The following PPP1R14C variants were observed in gnomAD, a reference collection of about 807,000 sequenced individuals.
PPP1R14C encodes the protein protein phosphatase 1 regulatory subunit 14C.
In PPP1R14C, 16 loss-of-function variants were observed where a neutral mutation model predicts 20.4. That is an observed-to-expected ratio of 0.78 (90% CI 0.53 to 1.19). PPP1R14C has a LOEUF of 1.19. Among genes scored for constraint, PPP1R14C ranks in the 50% most tolerant of loss-of-function variants. The pLI is 0.00. For missense variants in PPP1R14C, 211 were observed against 220.1 expected, an observed-to-expected ratio of 0.96 and a Z score of 0.26; for synonymous variants, 91 against 91.0, an observed-to-expected ratio of 1.00 and a Z score of 0.00.
At chr6:150,213,269 G>A (rs865809915) in intron 1 of PPP1R14C, among the ~76,000 whole-genome samples, 1 of 152,026 alleles carries the variant, frequency 6.6e-6, no homozygotes, top group Non-Finnish European at 1.5e-5. Context: ...GCCTGTTCTT[G>A]GAGCTAATGT....
chr6:150,243,385 C>G (rs1261223841), intron 3 of PPP1R14C, among the ~76,000 whole-genome samples: 1 of 152,052 alleles, frequency 6.6e-6, no homozygotes, highest in Non-Finnish European at 1.5e-5. Flanking sequence ...ACCATGTTGT[C>G]CAGGCGGGTC....
At position 150,248,898 on chromosome 6, in the gene PPP1R14C, G is replaced by C. The variant is rs1289513665; in HGVS notation, c.*78G>C. ...GTACTTCATGAAGACTTTTGTGAAA[G>C]AATAGGTGTCCTTATGAACAACGTT... On this transcript the variant is annotated 3_prime_UTR_variant, in exon 4 of 4. Coordinates refer to ENST00000361131, the MANE Select transcript of PPP1R14C (RefSeq NM_030949.3). 1 of 854,984 alleles carries C rather than the reference G, an allele frequency of 1.2e-6. No individual in the cohort carries two copies. The highest frequency in any genetic ancestry group is 1.7e-5 in the African/African-American group (1 of 58,236). 53.0% of individuals were successfully genotyped at this position (854,984 alleles called of 1,614,324 possible). A position where few individuals can be genotyped will look rare whatever the true frequency, so the allele number is the denominator to read the frequency against.
chr6:150,243,820 G>A (rs2114934287), intron 3 of PPP1R14C, among the ~76,000 whole-genome samples: 1 of 152,288 alleles, frequency 6.6e-6, no homozygotes, highest in Non-Finnish European at 1.5e-5. Flanking sequence ...TCTTTATGAT[G>A]GATGCTACTC....
chr6:150,149,394 C>T lies in PPP1R14C; in HGVS notation c.306+5896C>T, dbSNP rs9885596. ...TAGCTAGAGTGCAGTGGGGCTATCA[C>T]GGCTCATTGCATCGTTGACCACCCA... On this transcript the variant is annotated intron_variant, in intron 1 of 3. Transcript: ENST00000361131. Among the ~76,000 whole-genome samples, 616 of 150,314 alleles carry T rather than the reference C, an allele frequency of 4.1e-3. 5 individuals are homozygous for T. Among genetic ancestry groups the T allele is most frequent in the African/African-American group, 0.014 (552 of 40,786 alleles).
chr6:150,169,738 C>G (rs1165126516), intron 1 of PPP1R14C, among the ~76,000 whole-genome samples: 1 of 152,214 alleles, frequency 6.6e-6, no homozygotes, highest in East Asian at 1.9e-4. Context: ...CAATACCATG[C>G]AACAAACTCC....
rs1778139185 is a variant in PPP1R14C at position 150,219,375 on chromosome 6, C to T, written c.423+2519C>T. 2.6e-5 allele frequency among the ~76,000 whole-genome samples: 4 copies of T among 151,978 alleles called. No homozygotes were observed. The South Asian group carries it at 8.4e-4, about 32-fold the overall frequency. ...TCCTGAGTAGCTGGGATTACTAAGC[C>T]CAGCTAATTTTTGTATTTTTAGTAG... On this transcript the variant is annotated intron_variant, in intron 3 of 3. Transcript: ENST00000361131.
intron 1 of PPP1R14C, among the ~76,000 whole-genome samples, chr6:150,168,132 T>A: frequency 1.7e-5 from 2 of 116,100 alleles, no homozygotes; most frequent in East Asian, 2.9e-4. Context: ...TCCTTCTCCC[T>A]AACACAATAC....
chr6:150,203,811 A>G (rs1274915950), intron 1 of PPP1R14C, among the ~76,000 whole-genome samples: 1 of 152,188 alleles, frequency 6.6e-6, no homozygotes, highest in Non-Finnish European at 1.5e-5. Flanking sequence ...GCAAATCTGG[A>G]TGTGGACCAT....
chr6:150,171,410 A>C lies in PPP1R14C; in HGVS notation c.306+27912A>C, dbSNP rs1291208890. On this transcript the variant is annotated intron_variant, in intron 1 of 3. Transcript: ENST00000361131. ...CATAACAACAATCTAACTCTTTTATAAGGAGAATCCCAGAAGCTCACATTT... is the reference window on the plus strand; with the variant it reads ...CATAACAACAATCTAACTCTTTTATCAGGAGAATCCCAGAAGCTCACATTT... Among the ~76,000 whole-genome samples, 3 of 152,226 alleles carry C rather than the reference A, an allele frequency of 2.0e-5. No homozygotes were observed. In the East Asian group the frequency reaches 5.8e-4, roughly 29 times the overall value.
At chr6:150,193,683 G>C (rs2114889987) in intron 1 of PPP1R14C, among the ~76,000 whole-genome samples, 1 of 152,290 alleles carries the variant, frequency 6.6e-6, no homozygotes, top group Admixed American at 6.5e-5. Context: ...ATCTGCCTCT[G>C]CTGGGTCACT....
chr6:150,212,577 C>T (rs1398216311), intron 1 of PPP1R14C, among the ~76,000 whole-genome samples: 1 of 152,164 alleles, frequency 6.6e-6, no homozygotes, highest in African/African-American at 2.4e-5. Context: ...ACTAATTGTT[C>T]TCTCATTTCC....
Position 150,214,762 on chromosome 6 carries a change from G to T in PPP1R14C, c.325G>T (p.Val109Leu). 4 of 1,613,118 alleles carry T rather than the reference G, an allele frequency of 2.5e-6. No individual in the cohort carries two copies. The highest frequency in any genetic ancestry group is 2.5e-6 in the Non-Finnish European group (3 of 1,179,532). The change falls in exon 2 of 4, where the codon GTA becomes TTA. Residue 109 changes from valine to leucine, a missense_variant. Physicochemically the swap from Val to Leu is conservative, Grantham distance 32 (BLOSUM62 1). Transcript: ENST00000361131. ...CCCCCAGGAAGAAGAAATGCCAGAG[G>T]TAGAAATTGACATTGATGATCTTCT... ...YGCEEEEMPE[V>L]EIDIDDLLDA...
intron 3 of PPP1R14C, among the ~76,000 whole-genome samples, chr6:150,223,593 C>T (rs937316198): frequency 3.3e-5 from 5 of 152,202 alleles, no homozygotes; most frequent in East Asian, 1.9e-4. Flanking sequence ...TCTCTGGTGA[C>T]GTATGATTTG....
intron 1 of PPP1R14C, among the ~76,000 whole-genome samples, chr6:150,214,085 G>A (rs1379795752): frequency 6.6e-6 from 1 of 152,220 alleles, no homozygotes; most frequent in Non-Finnish European, 1.5e-5. Flanking sequence ...GGACGTTCTT[G>A]TAAAAACAGC....
intron 1 of PPP1R14C, chr6:150,196,146 T>G (rs1005948483): frequency 7.1e-6 from 7 of 984,156 alleles, no homozygotes; most frequent in Non-Finnish European, 8.4e-6. Context: ...AATACACTGT[T>G]GTTAAGCCTT....
At position 150,198,111 on chromosome 6, in the gene PPP1R14C, C is replaced by T. The variant is rs112144166; in HGVS notation, c.307-16633C>T. ...CGGCTTTGTGTGCCCCTGCCCGTCA[C>T]GGTGGAGGAGGGCCTGGATGCCCGG... On this transcript the variant is annotated intron_variant, in intron 1 of 3. Transcript: ENST00000361131. 5.4e-4 allele frequency among the ~76,000 whole-genome samples: 69 copies of T among 126,742 alleles called. 1 individual carries two copies. The highest frequency in any genetic ancestry group is 2.0e-3 in the African/African-American group (62 of 31,484). 83.1% of individuals were successfully genotyped at this position (126,742 alleles called of 152,430 possible). A position where few individuals can be genotyped will look rare whatever the true frequency, so the allele number is the denominator to read the frequency against.
intron 1 of PPP1R14C, among the ~76,000 whole-genome samples, chr6:150,163,766 T>C (rs1021597347): frequency 6.6e-6 from 1 of 152,202 alleles, no homozygotes; most frequent in Non-Finnish European, 1.5e-5. Flanking sequence ...TGTTTTTTTA[T>C]CGATTCTACT....
intron 1 of PPP1R14C, among the ~76,000 whole-genome samples, chr6:150,178,947 A>G (rs1405264987): frequency 6.6e-6 from 1 of 152,170 alleles, no homozygotes. Context: ...GGAAAGTTTG[A>G]TGGCTGCATT....
At position 150,167,369 on chromosome 6, in the gene PPP1R14C, G is replaced by T. The variant is rs539284356; in HGVS notation, c.306+23871G>T. Among the ~76,000 whole-genome samples the T allele has an allele frequency of 8.5e-5, 13 of 152,070 alleles. No individual in the cohort carries two copies. The South Asian group carries it at 1.9e-3, about 22-fold the overall frequency. On this transcript the variant is annotated intron_variant, in intron 1 of 3. Coordinates refer to ENST00000361131, the MANE Select transcript of PPP1R14C (RefSeq NM_030949.3). ...GGTGACAGAGCAAGACTCCGTCTCG[G>T]GGGGGAAAAAAACAAAAAGCAGAAA...
Sources: gnomAD v4.1 joint callset for allele counts (sites outside exome capture counted in the v4.1 genomes callset) on GRCh38, gnomAD v4.1.1 for gene constraint, MANE v1.5 for transcripts, NCBI Gene and HGNC (gene_info 2026-07-23, HGNC 2026-07-21) for gene names.